Variants in CNTNAP2 observed in about 807,000 individuals in gnomAD.
CNTNAP2 encodes the protein contactin-associated protein-like 2.
CNTNAP2 carries 98 observed loss-of-function variants against 155.2 expected under a neutral mutation model. The observed-to-expected ratio is 0.63, with a 90% CI of 0.54 to 0.75. The LOEUF is 0.75. CNTNAP2 is among the 30% of genes least tolerant of loss of function. The probability of loss-of-function intolerance (pLI) is 0.00; values close to 1 mark genes in which losing one functional copy is unlikely to be tolerated. For synonymous variants in CNTNAP2, 651 were observed against 631.2 expected (o/e 1.03, Z -0.47); for missense variants, 1,727 against 1,688.1 (o/e 1.02, Z -0.40).
chr7:147,143,099 A>G (rs989777256), intron 8 of CNTNAP2, among the ~76,000 whole-genome samples: 2 of 152,140 alleles, frequency 1.3e-5, no homozygotes, highest in Non-Finnish European at 2.9e-5. Flanking sequence ...AACGCCACTC[A>G]TGTGTCAGGA....
rs967296076 is a variant in CNTNAP2 at position 146,899,237 on chromosome 7, T to G, written c.402+59333T>G. ...GCCCATGGCTTTAATCTCATGTTGC[T>G]GACTTCCCAAATTCCATCTCCATTA... is the stretch of plus-strand genomic sequence containing the variant. On this transcript the variant is annotated intron_variant, in intron 3 of 23. Coordinates refer to ENST00000361727, the MANE Select transcript of CNTNAP2 (RefSeq NM_014141.6). Among the ~76,000 whole-genome samples, 10 of 152,298 alleles carry G rather than the reference T, an allele frequency of 6.6e-5. No individual in the cohort carries two copies. The East Asian group carries it at 1.7e-3, about 27-fold the overall frequency.
At chr7:146,284,958 A>G (rs907012678) in intron 1 of CNTNAP2, among the ~76,000 whole-genome samples, 1 of 152,174 alleles carries the variant, frequency 6.6e-6, no homozygotes, top group Non-Finnish European at 1.5e-5. Flanking sequence ...GGTGTTAATA[A>G]CTACTTGACA....
chr7:146,433,453 G>T (rs1724499), intron 1 of CNTNAP2, among the ~76,000 whole-genome samples: 5,409 of 152,118 alleles, frequency 0.036, 340 homozygotes, highest in African/African-American at 0.12. Flanking sequence ...CCAAAATGGG[G>T]TTGTGATTGA....
chr7:146,409,666 T>TA (rs1331810137), intron 1 of CNTNAP2, among the ~76,000 whole-genome samples: 3 of 152,174 alleles, frequency 2.0e-5, no homozygotes, highest in Non-Finnish European at 4.4e-5. Context: ...TTCCCAAGGG[T>TA]AAAATCATGC....
intron 8 of CNTNAP2, among the ~76,000 whole-genome samples, chr7:147,269,097 C>T (rs1389713656): frequency 6.6e-6 from 1 of 152,062 alleles, no homozygotes; most frequent in Admixed American, 6.5e-5. Flanking sequence ...CTTCCTTAGA[C>T]GAGAACTCCT....
At chr7:146,518,125 T>C (rs1054890245) in intron 1 of CNTNAP2, among the ~76,000 whole-genome samples, 2 of 151,948 alleles carry the variant, frequency 1.3e-5, no homozygotes, top group African/African-American at 4.8e-5. Flanking sequence ...GTTTTAATTT[T>C]TGAGTAAGAA....
intron 18 of CNTNAP2, among the ~76,000 whole-genome samples, chr7:148,191,822 C>T (rs1015931): frequency 0.7 from 106,915 of 152,128 alleles, 37,719 homozygotes; most frequent in East Asian, 0.86. Flanking sequence ...ACAAAAACAT[C>T]TGGTCCATAA....
chr7:146,462,725 G>A (rs1796656192), intron 1 of CNTNAP2, among the ~76,000 whole-genome samples: 1 of 152,044 alleles, frequency 6.6e-6, no homozygotes, highest in South Asian at 2.1e-4. Flanking sequence ...ATACACATGA[G>A]GCCCACGCAG....
chr7:147,241,636 GAAAAAAAAA>G (rs773697991), intron 8 of CNTNAP2, among the ~76,000 whole-genome samples: 1 of 63,134 alleles, frequency 1.6e-5, no homozygotes, highest in Non-Finnish European at 3.5e-5. Flanking sequence ...TCAAAAAAAG[GAAAAAAAAA>G]AAAAAAAAAA....
At chr7:148,196,052 C>A (rs1023880946) in intron 18 of CNTNAP2, among the ~76,000 whole-genome samples, 1 of 152,116 alleles carries the variant, frequency 6.6e-6, no homozygotes, top group African/African-American at 2.4e-5. Flanking sequence ...ATCATTGTAC[C>A]GGGTTGCTAT....
At chr7:146,336,866 C>T (rs1801286017) in intron 1 of CNTNAP2, among the ~76,000 whole-genome samples, 1 of 152,106 alleles carries the variant, frequency 6.6e-6, no homozygotes, top group South Asian at 2.1e-4. Context: ...CATAAGGTCA[C>T]AACCTTCTTG....
At chr7:147,701,395 G>A (rs146395225) in intron 13 of CNTNAP2, among the ~76,000 whole-genome samples, 39 of 152,232 alleles carry the variant, frequency 2.6e-4, no homozygotes, top group African/African-American at 7.7e-4. Context: ...CATGTGACTT[G>A]TATCATGTAA....
intron 1 of CNTNAP2, among the ~76,000 whole-genome samples, chr7:146,721,222 ATATATTCTCTATATACTCTCTC>A (rs1486540506): frequency 6.8e-5 from 9 of 131,742 alleles, no homozygotes; most frequent in South Asian, 2.4e-4. Context: ...TATTCTCTAT[ATATATTCTCTATATACTCTCTC>A]TATATTCTCT....
At chr7:148,262,880 T>C (rs1585225526) in intron 20 of CNTNAP2, among the ~76,000 whole-genome samples, 1 of 152,136 alleles carries the variant, frequency 6.6e-6, no homozygotes, top group East Asian at 1.9e-4. Context: ...GATGCTGCTG[T>C]TCTGAATTAT....
chr7:147,610,835 C>T (rs542693334), intron 12 of CNTNAP2, among the ~76,000 whole-genome samples: 1 of 152,182 alleles, frequency 6.6e-6, no homozygotes, highest in East Asian at 1.9e-4. Flanking sequence ...ACTTCCTGGG[C>T]TCAAGCGATT....
At chr7:147,327,699 C>A (rs1795485984) in intron 9 of CNTNAP2, among the ~76,000 whole-genome samples, 2 of 152,100 alleles carry the variant, frequency 1.3e-5, no homozygotes, top group Non-Finnish European at 2.9e-5. Context: ...GAACAAGAGA[C>A]TTACATATAG....
chr7:147,691,754 T>C (rs924230759), intron 13 of CNTNAP2, among the ~76,000 whole-genome samples: 1 of 152,086 alleles, frequency 6.6e-6, no homozygotes, highest in African/African-American at 2.4e-5. Context: ...AAGCAGAAAA[T>C]ATGGAGTTTC....
At chr7:146,883,358 C>T (rs1324164850) in intron 3 of CNTNAP2, among the ~76,000 whole-genome samples, 1 of 152,042 alleles carries the variant, frequency 6.6e-6, no homozygotes, top group African/African-American at 2.4e-5. Flanking sequence ...CATTGCCTTT[C>T]TCTTTTCTTT....
chr7:148,402,765 A>G lies in CNTNAP2; in HGVS notation c.3716-6626A>G, dbSNP rs114449271. 5.1e-3 allele frequency among the ~76,000 whole-genome samples: 776 copies of G among 152,184 alleles called. 6 individuals are homozygous for G. Among genetic ancestry groups the G allele is most frequent in the African/African-American group, 0.017 (696 of 41,516 alleles). ...CAGTTTTGTTGAAGTGTCTCAAATT[A>G]TTACTTTAGATGCTGAAACTCCAGT... On this transcript the variant is annotated intron_variant, in intron 22 of 23. Coordinates refer to ENST00000361727, the MANE Select transcript of CNTNAP2 (RefSeq NM_014141.6).
Sources: allele counts gnomAD v4.1 joint callset (sites outside exome capture counted in the v4.1 genomes callset), GRCh38; gene constraint gnomAD v4.1.1; transcripts MANE v1.5; gene names NCBI Gene and HGNC (gene_info 2026-07-23, HGNC 2026-07-21).